The following ZDHHC3 variants were observed in gnomAD, a reference collection of about 807,000 sequenced individuals.
ZDHHC3 encodes zDHHC palmitoyltransferase 3, also known as palmitoyltransferase ZDHHC3.
In ZDHHC3, 9 loss-of-function variants were observed where a neutral mutation model predicts 30.6. The observed-to-expected ratio is 0.29, with a 90% CI of 0.18 to 0.51. ZDHHC3 has a LOEUF of 0.51. ZDHHC3 is among the 20% of genes least tolerant of loss of function. The pLI is 0.97. For missense variants in ZDHHC3, 246 were observed against 384.2 expected, an observed-to-expected ratio of 0.64 and a Z score of 3.01; for synonymous variants, 136 against 140.2, an observed-to-expected ratio of 0.97 and a Z score of 0.21.
At chr3:44,950,470 T>C (rs1282183642) in intron 2 of ZDHHC3, among the ~76,000 whole-genome samples, 1 of 152,162 alleles carries the variant, frequency 6.6e-6, no homozygotes, top group Non-Finnish European at 1.5e-5. Context: ...ACGGCCTATT[T>C]ATTCCAGACC....
At chr3:44,975,521 G>A (rs1705848570) in intron 1 of ZDHHC3, 1 of 152,262 alleles carries the variant, frequency 6.6e-6, no homozygotes, top group African/African-American at 2.4e-5. Flanking sequence ...ATGGGACAGC[G>A]TTCGGTCACA....
At chr3:44,955,471 ATATATG>A (rs1703867269) in intron 2 of ZDHHC3, among the ~76,000 whole-genome samples, 2 of 147,648 alleles carry the variant, frequency 1.4e-5, no homozygotes, top group Admixed American at 1.4e-4. Flanking sequence ...ATATATATAT[ATATATG>A]TATATATATA....
At position 44,958,494 on chromosome 3, in the gene ZDHHC3, AG is replaced by A. The variant is rs991505446; in HGVS notation, c.306+636del. 6 of 1,034,070 alleles carry A rather than the reference AG, an allele frequency of 5.8e-6. No individual in the cohort carries two copies. In the African/African-American group the frequency reaches 9.5e-5, roughly 16 times the overall value. 64.1% of individuals were successfully genotyped at this position (1,034,070 alleles called of 1,614,324 possible). A position where few individuals can be genotyped will look rare whatever the true frequency, so the allele number is the denominator to read the frequency against. ...GGAACAGAACAGAGGGTTTAATACC[AG>A]GGTGCACAAACATTCAATAGCCACG... On this transcript the variant is annotated intron_variant, in intron 2 of 6. Transcript: ENST00000424952.
chr3:44,970,316 C>T (rs1251271772), intron 1 of ZDHHC3, among the ~76,000 whole-genome samples: 1 of 152,192 alleles, frequency 6.6e-6, no homozygotes, highest in African/African-American at 2.4e-5. Flanking sequence ...AGGGGCTCTC[C>T]AGCCATTCAC....
At chr3:44,948,133 A>G (rs1188695717) in intron 2 of ZDHHC3, among the ~76,000 whole-genome samples, 2 of 152,138 alleles carry the variant, frequency 1.3e-5, no homozygotes, top group Non-Finnish European at 2.9e-5. Flanking sequence ...AGAAACTAAG[A>G]CTGTCCCCAC....
intron 5 of ZDHHC3, 23 bp downstream of exon 5, chr3:44,933,095 G>A (rs749769133): frequency 1.2e-6 from 2 of 1,613,930 alleles, no homozygotes; most frequent in South Asian, 1.1e-5. Context: ...GGAGCAGGGA[G>A]GAAAGCCTCA....
chr3:44,948,307 C>A (rs1222400079), intron 2 of ZDHHC3, among the ~76,000 whole-genome samples: 1 of 152,090 alleles, frequency 6.6e-6, no homozygotes, highest in Non-Finnish European at 1.5e-5. Flanking sequence ...CAGAACCTTT[C>A]CTATAAAAGA....
intron 6 of ZDHHC3, among the ~76,000 whole-genome samples, chr3:44,928,418 G>A (rs960952278): frequency 4.6e-5 from 7 of 152,088 alleles, no homozygotes; most frequent in African/African-American, 1.7e-4. Context: ...ACTACCCTGA[G>A]GCCCAAACCT....
chr3:44,946,668 C>A (rs1187971024), intron 2 of ZDHHC3, among the ~76,000 whole-genome samples: 1 of 152,134 alleles, frequency 6.6e-6, no homozygotes, highest in Admixed American at 6.6e-5. Context: ...TGTATAGAGG[C>A]TGGCTAGGTA....
At chr3:44,964,077 C>T (rs893092004) in intron 1 of ZDHHC3, among the ~76,000 whole-genome samples, 1 of 152,200 alleles carries the variant, frequency 6.6e-6, no homozygotes, top group Non-Finnish European at 1.5e-5. Flanking sequence ...TTATTTAGCT[C>T]TGTAGCCTAG....
chr3:44,923,562 G>A lies in ZDHHC3; in HGVS notation c.*3127C>T. The A allele has an allele frequency of 1.0e-6, 1 of 984,782 alleles. No individual in the cohort carries two copies. The highest frequency in any genetic ancestry group is 1.2e-6 in the Non-Finnish European group (1 of 829,366). 61.0% of individuals were successfully genotyped at this position (984,782 alleles called of 1,614,324 possible). On this transcript the variant is annotated 3_prime_UTR_variant, in exon 7 of 7. Coordinates refer to ENST00000424952, the MANE Select transcript of ZDHHC3 (RefSeq NM_001135179.2). ...CACGCCTGTAATCCCAGGACTTTGG[G>A]AGGCTAAGGCAGGAAAATTGCTGGA... is the stretch of plus-strand genomic sequence containing the variant.
In ZDHHC3 at chr3:44,929,290, A is replaced by C. The variant is rs1559657746; in HGVS notation, c.741+16T>G. ...ATCCCCAGGTGTGGAAATGGTGGGC[A>C]GAGCCACCTGCTTACCGTCTCATCT... is the stretch of plus-strand genomic sequence containing the variant. On this transcript the variant is annotated intron_variant, in intron 6 of 6. Transcript: ENST00000424952. 3 of 1,613,018 alleles carry C rather than the reference A, an allele frequency of 1.9e-6. No homozygotes were observed. The highest frequency in any genetic ancestry group is 2.7e-5 in the African/African-American group (2 of 75,038).
rs1343841526 is a variant in ZDHHC3 at position 44,924,911 on chromosome 3, T to C, written c.*1778A>G. 10 of 985,438 alleles carry C rather than the reference T, an allele frequency of 1.0e-5. No individual in the cohort carries two copies. The highest frequency in any genetic ancestry group is 1.2e-5 in the Non-Finnish European group (10 of 829,944). 61.0% of individuals were successfully genotyped at this position (985,438 alleles called of 1,614,324 possible). A position where few individuals can be genotyped will look rare whatever the true frequency, so the allele number is the denominator to read the frequency against. On this transcript the variant is annotated 3_prime_UTR_variant, in exon 7 of 7. Coordinates refer to ENST00000424952, the MANE Select transcript of ZDHHC3 (RefSeq NM_001135179.2). ...ACCGTAGACACGAGGTAAAGTTAAC[T>C]GACTCAGGAAAGCTCTTAGGAGAGC... is the stretch of plus-strand genomic sequence containing the variant.
In ZDHHC3 at chr3:44,918,377, G is replaced by A. The variant is rs1455603800; in HGVS notation, c.*8312C>T. 1.7e-5 allele frequency: 17 copies of A among 985,326 alleles called. No homozygotes were observed. The highest frequency in any genetic ancestry group is 2.0e-5 in the Non-Finnish European group (17 of 829,902). The allele number at this position is 985,326 out of a possible 1,614,324, so 61.0% of individuals were successfully genotyped here. ...CAGCGTGGAGGAACACAGCAAGCAG[G>A]GCCCGCCTGGTGGACTGACGTGTTC... On this transcript the variant is annotated 3_prime_UTR_variant, in exon 7 of 7. Transcript: ENST00000424952.
chr3:44,944,348 G>A (rs1702725636), intron 3 of ZDHHC3, among the ~76,000 whole-genome samples: 2 of 152,086 alleles, frequency 1.3e-5, no homozygotes, highest in Admixed American at 1.3e-4. Context: ...GTTTCTCCAT[G>A]TTGGTCAGGC....
In ZDHHC3 at chr3:44,945,465, T is replaced by G. The variant is rs1054377160; in HGVS notation, c.307-173A>C. The G allele has an allele frequency of 4.9e-5, 47 of 952,882 alleles. No homozygotes were observed. In the Admixed American group the frequency reaches 1.3e-3, roughly 27 times the overall value. 59.0% of individuals were successfully genotyped at this position (952,882 alleles called of 1,614,324 possible). ...AGAATTATGCCAACATTAAGGAATA[T>G]TTATTGACCAAAAATTTTTCTGAGG... On this transcript the variant is annotated intron_variant, in intron 2 of 6. Coordinates refer to ENST00000424952, the MANE Select transcript of ZDHHC3 (RefSeq NM_001135179.2).
Position 44,922,234 on chromosome 3 carries a change from G to C in ZDHHC3, c.*4455C>G. The C allele has an allele frequency of 1.0e-6, 1 of 985,468 alleles. No homozygotes were observed. Among genetic ancestry groups the C allele is most frequent in the Non-Finnish European group, 1.2e-6 (1 of 829,940 alleles). 61.0% of individuals were successfully genotyped at this position (985,468 alleles called of 1,614,324 possible). A position where few individuals can be genotyped will look rare whatever the true frequency, so the allele number is the denominator to read the frequency against. On this transcript the variant is annotated 3_prime_UTR_variant, in exon 7 of 7. Transcript: ENST00000424952. ...TTGAAACCCACACGTAGAAAGCAAA[G>C]GTCAAGACGTGTTCAGGTCATGTAT...
intron 5 of ZDHHC3, 104 bp from the exon 6 acceptor site, chr3:44,929,540 T>TCC: frequency 6.8e-7 from 1 of 1,467,676 alleles, no homozygotes; most frequent in East Asian, 2.4e-5. Flanking sequence ...TTGCAGGCCT[T>TCC]CATTCCTCCT....
intron 2 of ZDHHC3, among the ~76,000 whole-genome samples, chr3:44,946,738 G>C (rs1449917644): frequency 6.6e-6 from 1 of 152,160 alleles, no homozygotes; most frequent in Non-Finnish European, 1.5e-5. Flanking sequence ...AAAGAGGTGA[G>C]GGTGAGCATG....
Sources: allele counts gnomAD v4.1 joint callset (sites outside exome capture counted in the v4.1 genomes callset), GRCh38; gene constraint gnomAD v4.1.1; transcripts MANE v1.5; gene names NCBI Gene and HGNC (gene_info 2026-07-23, HGNC 2026-07-21).